The following NLGN1 variants were observed in gnomAD, a reference collection of about 807,000 sequenced individuals.
NLGN1 encodes the protein neuroligin-1.
In NLGN1, 12 loss-of-function variants were observed where a neutral mutation model predicts 65.5. The ratio of observed to expected loss-of-function variants is 0.18; its 90% CI spans 0.12 to 0.30. The LOEUF (loss-of-function observed/expected upper bound fraction) is 0.30. Ranked by LOEUF, NLGN1 falls within the 10% of genes least tolerant of loss-of-function variation. The pLI is 1.00. For missense variants in NLGN1, 750 were observed against 1,007.1 expected (o/e 0.74, Z 3.46); for synonymous variants, 350 against 359.5 (o/e 0.97, Z 0.30).
chr3:173,605,470 T>G (rs1751245080), intron 3 of NLGN1, 64 bp from the exon 3 acceptor site: 1 of 832,200 alleles, frequency 1.2e-6, no homozygotes, highest in African/African-American at 1.8e-5. Flanking sequence ...ATAGTGGTGT[T>G]GCATGTTCCG....
At chr3:173,931,429 A>G (rs1046057491) in intron 4 of NLGN1, among the ~76,000 whole-genome samples, 1 of 152,180 alleles carries the variant, frequency 6.6e-6, no homozygotes, top group African/African-American at 2.4e-5. Context: ...TAGATTGGTC[A>G]TGGAAGGCTT....
chr3:173,786,322 C>CT (rs954460284), intron 3 of NLGN1, among the ~76,000 whole-genome samples: 14 of 151,970 alleles, frequency 9.2e-5, no homozygotes, highest in South Asian at 2.1e-4. Flanking sequence ...TTCTTTCCTT[C>CT]TTTTTTTTAA....
intron 2 of NLGN1, among the ~76,000 whole-genome samples, chr3:173,467,901 A>G (rs1047795954): frequency 6.6e-6 from 1 of 152,174 alleles, no homozygotes; most frequent in African/African-American, 2.4e-5. Context: ...TGGTGACCAC[A>G]GGCAATCTAA....
At chr3:173,994,491 A>AAAG (rs10688223) in intron 4 of NLGN1, among the ~76,000 whole-genome samples, 8 of 81,238 alleles carry the variant, frequency 9.8e-5, no homozygotes, top group African/African-American at 2.8e-4. Flanking sequence ...AAAAAAAAAA[A>AAAG]AGAGAGAGAG....
At chr3:173,734,522 A>G (rs2150074106) in intron 3 of NLGN1, among the ~76,000 whole-genome samples, 1 of 150,350 alleles carries the variant, frequency 6.7e-6, no homozygotes, top group African/African-American at 2.4e-5. Flanking sequence ...TCAGTCTCTC[A>G]AGTGGCTGGG....
Position 173,905,738 on chromosome 3 carries a change from T to G in NLGN1, c.646+97906T>G, listed in dbSNP as rs1386989217. On this transcript the variant is annotated intron_variant, in intron 4 of 6. Transcript: ENST00000457714. ...CCAGCAGCACTTTCCCTAGCAGGTTTGCCTCTATAACTGCAAAAGAAGTCT... is the reference window on the plus strand; with the variant it reads ...CCAGCAGCACTTTCCCTAGCAGGTTGGCCTCTATAACTGCAAAAGAAGTCT... Among the ~76,000 whole-genome samples the G allele has an allele frequency of 2.6e-5, 4 of 152,212 alleles. No individual in the cohort carries two copies. In the East Asian group the frequency reaches 5.8e-4, roughly 22 times the overall value.
chr3:174,015,550 G>C (rs1726383128), intron 4 of NLGN1, among the ~76,000 whole-genome samples: 1 of 152,128 alleles, frequency 6.6e-6, no homozygotes, highest in Non-Finnish European at 1.5e-5. Context: ...CAAATACAAT[G>C]ACTTCAACAT....
intron 1 of NLGN1, among the ~76,000 whole-genome samples, chr3:173,408,579 C>G (rs1220203385): frequency 1.3e-5 from 2 of 152,166 alleles, no homozygotes; most frequent in African/African-American, 4.8e-5. Flanking sequence ...AGCATGTTTT[C>G]TATAGAACTG....
chr3:174,154,993 T>TATATAATATTATTATAA (rs1561175372), intron 4 of NLGN1, among the ~76,000 whole-genome samples: 3 of 122,458 alleles, frequency 2.4e-5, no homozygotes, highest in African/African-American at 1.0e-4. Flanking sequence ...TATTATATAT[T>TATATAATATTATTATAA]ATATATATTT....
intron 4 of NLGN1, among the ~76,000 whole-genome samples, chr3:174,202,134 C>T (rs1734618682): frequency 2.0e-5 from 3 of 152,028 alleles, no homozygotes; most frequent in South Asian, 2.1e-4. Flanking sequence ...TATCCCTCTC[C>T]GTTGAAATGT....
chr3:173,662,637 T>C (rs1400871298), intron 3 of NLGN1, among the ~76,000 whole-genome samples: 5 of 152,020 alleles, frequency 3.3e-5, no homozygotes, highest in Admixed American at 1.3e-4. Flanking sequence ...GATGTTTTCA[T>C]TCGGGTCTTT....
chr3:173,453,328 G>A (rs1721953701), intron 2 of NLGN1, among the ~76,000 whole-genome samples: 1 of 151,538 alleles, frequency 6.6e-6, no homozygotes, highest in Non-Finnish European at 1.5e-5. Flanking sequence ...GAATTGCTAG[G>A]CTCAAGTGAT....
intron 2 of NLGN1, among the ~76,000 whole-genome samples, chr3:173,469,023 T>C (rs1314388628): frequency 2.0e-5 from 3 of 152,076 alleles, no homozygotes; most frequent in Non-Finnish European, 4.4e-5. Flanking sequence ...TTTTGTAATA[T>C]CTGTTCTGTC....
intron 4 of NLGN1, among the ~76,000 whole-genome samples, chr3:173,843,298 G>A (rs1421503692): frequency 3.3e-5 from 5 of 152,122 alleles, no homozygotes; most frequent in African/African-American, 9.7e-5. Flanking sequence ...GACCTCTGAC[G>A]TGCCCCGAAG....
intron 4 of NLGN1, among the ~76,000 whole-genome samples, chr3:174,268,501 T>G (rs950999285): frequency 2.0e-5 from 3 of 152,112 alleles, no homozygotes; most frequent in Non-Finnish European, 4.4e-5. Context: ...GGGAATGGTA[T>G]TCATGATTCA....
intron 4 of NLGN1, among the ~76,000 whole-genome samples, chr3:174,158,941 T>G (rs563259437): frequency 6.6e-6 from 1 of 151,732 alleles, no homozygotes; most frequent in African/African-American, 2.4e-5. Context: ...CTGAGTGCAC[T>G]CAACTTTTTT....
chr3:173,921,308 T>C (rs888348814), intron 4 of NLGN1, among the ~76,000 whole-genome samples: 3 of 148,016 alleles, frequency 2.0e-5, no homozygotes, highest in Admixed American at 6.8e-5. Flanking sequence ...ATATTTCTAC[T>C]ATATATTATA....
At chr3:173,780,264 A>G (rs947483184) in intron 3 of NLGN1, among the ~76,000 whole-genome samples, 4 of 152,218 alleles carry the variant, frequency 2.6e-5, no homozygotes, top group Non-Finnish European at 5.9e-5. Flanking sequence ...ATGATGATGC[A>G]TATGTTTCTC....
intron 3 of NLGN1, among the ~76,000 whole-genome samples, chr3:173,651,203 A>C (rs73176503): frequency 0.025 from 3,808 of 151,542 alleles, 77 homozygotes; most frequent in Middle Eastern, 0.079. Context: ...GCTGTTTCTG[A>C]GTTGTTTCCT....
Sources: allele counts gnomAD v4.1 joint callset (sites outside exome capture counted in the v4.1 genomes callset), GRCh38; gene constraint gnomAD v4.1.1; transcripts MANE v1.5; gene names NCBI Gene and HGNC (gene_info 2026-07-23, HGNC 2026-07-21).